The following EHMT1 variants were observed in gnomAD, a reference collection of about 807,000 sequenced individuals.
EHMT1 encodes histone-lysine N-methyltransferase EHMT1.
EHMT1 carries 15 observed loss-of-function variants against 147.2 expected under a neutral mutation model. That is an observed-to-expected ratio of 0.10 (90% CI 0.07 to 0.16). The LOEUF is 0.16. EHMT1 is among the 10% of genes least tolerant of loss of function. EHMT1 has a pLI of 1.00. For missense variants in EHMT1, 1,587 were observed against 1,772.4 expected (o/e 0.90, Z 1.88); for synonymous variants, 795 against 709.6 (o/e 1.12, Z -1.91).
At chr9:137,758,167 GT>G (rs1294648647) in intron 9 of EHMT1, among the ~76,000 whole-genome samples, 156 bp downstream of exon 9, 1 of 152,134 alleles carries the variant, frequency 6.6e-6, no homozygotes, top group Non-Finnish European at 1.5e-5. Flanking sequence ...GATGGGGTGC[GT>G]TTGCTGTGTC....
chr9:137,818,511 T>G (rs541607216), intron 25 of EHMT1, among the ~76,000 whole-genome samples: 1 of 147,512 alleles, frequency 6.8e-6, no homozygotes, highest in African/African-American at 2.6e-5. Context: ...GTAGAGAGGC[T>G]GAGGGGGGGC....
intron 6 of EHMT1, among the ~76,000 whole-genome samples, chr9:137,750,551 TAG>T (rs1415859074): frequency 2.0e-5 from 3 of 152,228 alleles, no homozygotes; most frequent in African/African-American, 7.2e-5. Context: ...ATTAAGTTCC[TAG>T]AGAGAGTTAT....
At chr9:137,716,042 T>A (rs1227940576) in intron 2 of EHMT1, among the ~76,000 whole-genome samples, 2 of 142,360 alleles carry the variant, frequency 1.4e-5, no homozygotes, top group Non-Finnish European at 3.1e-5. Flanking sequence ...GGGGAGGAAA[T>A]TGTGTTGGTG....
At chr9:137,643,162 G>C (rs1393185751) in intron 1 of EHMT1, among the ~76,000 whole-genome samples, 4 of 152,032 alleles carry the variant, frequency 2.6e-5, no homozygotes, top group African/African-American at 7.2e-5. Flanking sequence ...GCGGTTGCAG[G>C]CATGAGCCAC....
intron 10 of EHMT1, among the ~76,000 whole-genome samples, chr9:137,768,022 A>G (rs2136465237): frequency 6.6e-6 from 1 of 152,296 alleles, no homozygotes; most frequent in South Asian, 2.1e-4. Flanking sequence ...TGCCTACAGT[A>G]TTCAGTACAG....
intron 1 of EHMT1, among the ~76,000 whole-genome samples, chr9:137,640,583 TTTC>T (rs1204528745): frequency 3.3e-5 from 5 of 152,226 alleles, no homozygotes; most frequent in African/African-American, 1.2e-4. Flanking sequence ...GGTCTGAAAT[TTTC>T]TTTTTTTAAT....
chr9:137,678,836 CAG>C (rs1263152341), intron 1 of EHMT1, among the ~76,000 whole-genome samples: 2 of 151,726 alleles, frequency 1.3e-5, no homozygotes, highest in Non-Finnish European at 2.9e-5. Flanking sequence ...AGGATGGACA[CAG>C]GGACAGAGAA....
At chr9:137,679,270 A>T (rs1295798695) in intron 1 of EHMT1, among the ~76,000 whole-genome samples, 2 of 152,138 alleles carry the variant, frequency 1.3e-5, no homozygotes, top group Non-Finnish European at 2.9e-5. Flanking sequence ...TTGTTTCTGG[A>T]ATTTTTCATT....
chr9:137,801,323 T>C (rs1337214237), intron 18 of EHMT1, among the ~76,000 whole-genome samples: 1 of 152,162 alleles, frequency 6.6e-6, no homozygotes, highest in Non-Finnish European at 1.5e-5. Context: ...CCTTTGTTTT[T>C]GTTTTTGTTT....
At chr9:137,619,702 T>C (rs1842834804) in intron 1 of EHMT1, among the ~76,000 whole-genome samples, 1 of 151,996 alleles carries the variant, frequency 6.6e-6, no homozygotes, top group Non-Finnish European at 1.5e-5. Flanking sequence ...TTTAAAGGGC[T>C]CTCGATGTAA....
chr9:137,654,214 A>C (rs1034760199), intron 1 of EHMT1, among the ~76,000 whole-genome samples: 8 of 152,118 alleles, frequency 5.3e-5, no homozygotes, highest in African/African-American at 1.9e-4. Flanking sequence ...AAATACAAAA[A>C]TTAGCCTGAT....
intron 1 of EHMT1, among the ~76,000 whole-genome samples, chr9:137,623,121 G>C (rs1843036867): frequency 6.6e-6 from 1 of 151,374 alleles, no homozygotes; most frequent in South Asian, 2.1e-4. Flanking sequence ...GCTGAGGCAG[G>C]AGAAGGGCGT....
chr9:137,730,621 G>T (rs10867057), intron 4 of EHMT1, among the ~76,000 whole-genome samples: 37,991 of 152,148 alleles, frequency 0.25, 5,490 homozygotes, highest in Admixed American at 0.39. Context: ...CTAATTTACG[G>T]ACTCTTATTT....
intron 1 of EHMT1, among the ~76,000 whole-genome samples, chr9:137,634,998 G>A (rs1843901302): frequency 6.6e-6 from 1 of 151,146 alleles, no homozygotes; most frequent in Admixed American, 6.6e-5. Flanking sequence ...GGGATTACAG[G>A]TGTGAGCCAC....
rs1376381602 is a variant in EHMT1, at chr9:137,783,964, A to T, written c.2382+1567A>T. ...TTAGTCTAACAGTCTTGGTATTTTA[A>T]TAGGAACTTTTAGTCCTTTATTTAT... is the stretch of plus-strand genomic sequence containing the variant. On this transcript the variant is annotated intron_variant, in intron 15 of 26. Transcript: ENST00000460843. The T allele has an allele frequency of 6.9e-6, 3 of 434,830 alleles. No homozygotes were observed. In the East Asian group the frequency reaches 9.9e-5, roughly 14 times the overall value. 26.9% of individuals were successfully genotyped at this position (434,830 alleles called of 1,614,324 possible).
chr9:137,658,512 T>G (rs749047288), intron 1 of EHMT1, among the ~76,000 whole-genome samples: 18 of 152,202 alleles, frequency 1.2e-4, no homozygotes, highest in Admixed American at 3.9e-4. Flanking sequence ...CTAAGGTAGC[T>G]TCTCCTGTGT....
At chr9:137,643,336 G>GGTTTT (rs1844632221) in intron 1 of EHMT1, among the ~76,000 whole-genome samples, 1 of 142,820 alleles carries the variant, frequency 7.0e-6, no homozygotes, top group Non-Finnish European at 1.5e-5. Context: ...TGTGTATAAA[G>GGTTTT]GTTTTTTTTT....
chr9:137,659,702 G>T (rs1938871315), intron 1 of EHMT1, among the ~76,000 whole-genome samples: 1 of 151,528 alleles, frequency 6.6e-6, no homozygotes, highest in African/African-American at 2.4e-5. Context: ...ACCTACTACT[G>T]ATGGTCCACC....
At position 137,640,808 on chromosome 9, in the gene EHMT1, A is replaced by G. The variant is rs115867707; in HGVS notation, c.21+21759A>G. 9.3e-4 allele frequency among the ~76,000 whole-genome samples: 142 copies of G among 152,320 alleles called. 1 individual carries two copies. The highest frequency in any genetic ancestry group is 3.3e-3 in the African/African-American group (137 of 41,562). On this transcript the variant is annotated intron_variant, in intron 1 of 26. Coordinates refer to ENST00000460843, the MANE Select transcript of EHMT1 (RefSeq NM_024757.5). ...GGATAAAAATGAGTTTGAAACAGAA[A>G]GAGGTAGAGATTCTTTTCACATTTT...
Sources: gnomAD v4.1 joint callset for allele counts (sites outside exome capture counted in the v4.1 genomes callset) on GRCh38, gnomAD v4.1.1 for gene constraint, MANE v1.5 for transcripts, NCBI Gene and HGNC (gene_info 2026-07-23, HGNC 2026-07-21) for gene names.